GSG1L: variants seen among roughly 807,000 people sequenced by gnomAD.
GSG1L encodes GSG1 like.
GSG1L carries 24 observed loss-of-function variants against 42.1 expected under a neutral mutation model. The ratio of observed to expected loss-of-function variants is 0.57; its 90% CI spans 0.41 to 0.80. GSG1L has a LOEUF of 0.80. GSG1L is among the 30% of genes least tolerant of loss of function. The pLI is 0.00. For missense variants in GSG1L, 445 were observed against 472.2 expected (o/e 0.94, Z 0.53); for synonymous variants, 215 against 203.5 (o/e 1.06, Z -0.48).
chr16:27,938,745 G>A (rs1281153000), intron 2 of GSG1L, among the ~76,000 whole-genome samples: 1 of 152,142 alleles, frequency 6.6e-6, no homozygotes, highest in Admixed American at 6.6e-5. Context: ...TGGAGCCAAA[G>A]GTAAGATTCT....
intron 2 of GSG1L, among the ~76,000 whole-genome samples, chr16:27,945,340 T>C (rs2084849494): frequency 6.6e-6 from 1 of 152,214 alleles, no homozygotes; most frequent in African/African-American, 2.4e-5. Flanking sequence ...TGAATAAAAC[T>C]GACAACCTCT....
intron 1 of GSG1L, among the ~76,000 whole-genome samples, chr16:28,041,789 C>T (rs189954672): frequency 4.6e-5 from 7 of 152,320 alleles, no homozygotes; most frequent in African/African-American, 7.2e-5. Flanking sequence ...TTGGCATTTA[C>T]GTCACTAGAC....
At chr16:27,964,323 CA>C (rs11306598) in intron 1 of GSG1L, among the ~76,000 whole-genome samples, 66,634 of 126,474 alleles carry the variant, frequency 0.53, 15,677 homozygotes, top group East Asian at 0.67. Flanking sequence ...GACTCTGTCT[CA>C]AAAAAAAAAA....
intron 1 of GSG1L, among the ~76,000 whole-genome samples, chr16:28,036,267 C>G (rs571194614): frequency 6.6e-6 from 1 of 152,166 alleles, no homozygotes; most frequent in Non-Finnish European, 1.5e-5. Context: ...TACCACCTCC[C>G]GAAGCTGCCT....
intron 4 of GSG1L, among the ~76,000 whole-genome samples, chr16:27,843,363 T>C (rs946404497): frequency 3.9e-5 from 6 of 152,084 alleles, no homozygotes; most frequent in Non-Finnish European, 5.9e-5. Context: ...TTTGGTCACA[T>C]ACTTAAGCTA....
intron 5 of GSG1L, among the ~76,000 whole-genome samples, chr16:27,816,452 A>G (rs1597469494): frequency 6.6e-6 from 1 of 152,180 alleles, no homozygotes; most frequent in East Asian, 1.9e-4. Flanking sequence ...GCCTAGAAAG[A>G]TGGAAGAGCC....
intron 2 of GSG1L, among the ~76,000 whole-genome samples, chr16:27,960,363 G>T (rs999301264): frequency 2.6e-5 from 4 of 152,160 alleles, no homozygotes; most frequent in African/African-American, 9.7e-5. Flanking sequence ...CGTGTGCCAA[G>T]TTCTCAGCAT....
At chr16:27,888,973 G>GATATAGATATAA (rs774360829) in intron 2 of GSG1L, among the ~76,000 whole-genome samples, 2 of 146,516 alleles carry the variant, frequency 1.4e-5, no homozygotes, top group South Asian at 4.4e-4. Flanking sequence ...TATAGATATA[G>GATATAGATATAA]ATAGATATAC....
intron 3 of GSG1L, among the ~76,000 whole-genome samples, chr16:27,872,644 A>G (rs1567497962): frequency 6.6e-6 from 1 of 152,156 alleles, no homozygotes; most frequent in African/African-American, 2.4e-5. Context: ...GGTTGCGGTA[A>G]AGAAGCCAGC....
chr16:27,943,211 C>CA (rs1194750519), intron 2 of GSG1L, among the ~76,000 whole-genome samples: 1 of 151,978 alleles, frequency 6.6e-6, no homozygotes, highest in Non-Finnish European at 1.5e-5. Flanking sequence ...TGAGTCACTG[C>CA]ACCCAGCCAA....
chr16:27,937,677 C>T (rs2084734317), intron 2 of GSG1L, among the ~76,000 whole-genome samples: 1 of 152,208 alleles, frequency 6.6e-6, no homozygotes, highest in African/African-American at 2.4e-5. Flanking sequence ...TCCTTGGCAC[C>T]ATCGTTGAGT....
At chr16:27,852,458 C>T (rs889238940) in intron 3 of GSG1L, among the ~76,000 whole-genome samples, 10 of 151,950 alleles carry the variant, frequency 6.6e-5, no homozygotes, top group African/African-American at 9.7e-5. Flanking sequence ...GGAGAAGTCC[C>T]GGGGTCTGTG....
chr16:27,924,144 A>T (rs963847774), intron 2 of GSG1L, among the ~76,000 whole-genome samples: 3 of 151,772 alleles, frequency 2.0e-5, no homozygotes, highest in African/African-American at 7.3e-5. Flanking sequence ...ATAAATGCTT[A>T]TAAAAATATA....
Position 27,884,600 on chromosome 16 carries a change from T to C in GSG1L, c.436A>G (p.Ile146Val). The C allele has an allele frequency of 6.2e-7, 1 of 1,609,350 alleles. No homozygotes were observed. The highest frequency in any genetic ancestry group is 8.5e-7 in the Non-Finnish European group (1 of 1,177,806). ...CTGAAGCCAACCACCAGCAGCAGAA[T>C]GTACAGCACCTCGGAGACCACAGAC... The part of the protein sequence containing the change: ...WLSVVSEVLY[I>V]LLLVVGFSLM... The change falls in exon 3 of 7, where the codon ATT (isoleucine) becomes GTT (valine). Residue 146 changes from isoleucine (I) to valine (V), a missense_variant. Transcript: ENST00000447459. The surrounding 1 kb of genome is among the most constrained non-coding windows in gnomAD (Gnocchi z 4.4).
Position 28,060,182 on chromosome 16 carries a change from G to C in GSG1L, c.349+2894C>G, listed in dbSNP as rs190422300. ...TGATGTATAGGGGTGGGGGAGGCGA[G>C]ATTTTGTTCAGGGGGCTATTGGGAT... is the stretch of plus-strand genomic sequence containing the variant. On this transcript the variant is annotated intron_variant, in intron 1 of 6. Transcript: ENST00000447459. Among the ~76,000 whole-genome samples the C allele has an allele frequency of 6.6e-4, 100 of 152,162 alleles. No homozygotes were observed. In the East Asian group the frequency reaches 8.9e-3, roughly 14 times the overall value.
intron 2 of GSG1L, among the ~76,000 whole-genome samples, chr16:27,935,505 C>T (rs965558422): frequency 5.9e-5 from 9 of 152,070 alleles, no homozygotes; most frequent in Admixed American, 3.3e-4. Context: ...TAGAGACAGA[C>T]GTGAAGAAGT....
Position 27,884,021 on chromosome 16 carries a change from A to G in GSG1L, c.550+465T>C, listed in dbSNP as rs569518649. ...CTTCCCATGCAGCATCTCCACGTGGAGTTCTCAAAGCCAGATGAGCTCAGG... is the reference window on the plus strand; with the variant it reads ...CTTCCCATGCAGCATCTCCACGTGGGGTTCTCAAAGCCAGATGAGCTCAGG... On this transcript the variant is annotated intron_variant, in intron 3 of 6. Coordinates refer to ENST00000447459, the MANE Select transcript of GSG1L (RefSeq NM_001109763.2). The surrounding 1 kb of genome is among the most constrained non-coding windows in gnomAD (Gnocchi z 4.4). 6.6e-6 allele frequency among the ~76,000 whole-genome samples: 1 copy of G among 152,274 alleles called. No homozygotes were observed. Among genetic ancestry groups the G allele is most frequent in the Admixed American group, 6.5e-5 (1 of 15,292 alleles).
Position 28,022,291 on chromosome 16 carries a change from G to A in GSG1L, c.349+40785C>T, listed in dbSNP as rs549017484. Among the ~76,000 whole-genome samples, 52 of 152,118 alleles carry A rather than the reference G, an allele frequency of 3.4e-4. 1 individual carries two copies. In the South Asian group the frequency reaches 8.7e-3, roughly 26 times the overall value. On this transcript the variant is annotated intron_variant, in intron 1 of 6. Coordinates refer to ENST00000447459, the MANE Select transcript of GSG1L (RefSeq NM_001109763.2). ...TCAATCAGGGATAAATCATTAAATC[G>A]TAAATCATCTTTTTTTAATGCACTT...
At chr16:27,792,356 G>T (rs2082765154) in intron 6 of GSG1L, among the ~76,000 whole-genome samples, 1 of 152,160 alleles carries the variant, frequency 6.6e-6, no homozygotes, top group Non-Finnish European at 1.5e-5. Context: ...ACCTGCCACT[G>T]TCTACCACAC....
Sources: gnomAD v4.1 joint callset for allele counts (sites outside exome capture counted in the v4.1 genomes callset) on GRCh38, gnomAD v4.1.1 for gene constraint, Gnocchi (gnomAD v3.1) non-coding constraint, MANE v1.5 for transcripts, NCBI Gene and HGNC (gene_info 2026-07-23, HGNC 2026-07-21) for gene names.